TBC1D30: variants seen among roughly 807,000 people sequenced by gnomAD.
TBC1D30 encodes the protein TBC1 domain family member 30.
In TBC1D30, 31 loss-of-function variants were observed where a neutral mutation model predicts 63.2. The ratio of observed to expected loss-of-function variants is 0.49; its 90% CI spans 0.37 to 0.66. The LOEUF is 0.66. Ranked by LOEUF, TBC1D30 falls within the 30% of genes least tolerant of loss-of-function variation. TBC1D30 has a pLI of 0.00. For missense variants in TBC1D30, 810 were observed against 953.6 expected, an observed-to-expected ratio of 0.85 and a Z score of 1.98; for synonymous variants, 307 against 361.5, an observed-to-expected ratio of 0.85 and a Z score of 1.71.
chr12:64,813,031 G>A (rs1025608247), intron 2 of TBC1D30, among the ~76,000 whole-genome samples: 1 of 152,100 alleles, frequency 6.6e-6, no homozygotes, highest in Non-Finnish European at 1.5e-5. Context: ...AAAGAAGCTT[G>A]GGTGACCTGG....
At chr12:64,867,769 G>A (rs796785062) in intron 10 of TBC1D30, among the ~76,000 whole-genome samples, 4 of 152,210 alleles carry the variant, frequency 2.6e-5, no homozygotes, top group African/African-American at 9.6e-5. Context: ...TGAGTGACAA[G>A]AAACTTATTA....
intron 1 of TBC1D30, among the ~76,000 whole-genome samples, chr12:64,760,813 A>C: frequency 6.8e-6 from 1 of 147,474 alleles, no homozygotes; most frequent in East Asian, 2.1e-4. Flanking sequence ...TGATGTGTAC[A>C]AGGATAGGGC....
chr12:64,828,414 C>A, intron 2 of TBC1D30, 30 bp from the exon 3 acceptor site: 1 of 1,509,276 alleles, frequency 6.6e-7, no homozygotes, highest in South Asian at 1.2e-5. Context: ...TCACTGTGAT[C>A]ACCTCCTGGG....
intron 1 of TBC1D30, among the ~76,000 whole-genome samples, chr12:64,827,619 G>A (rs901357397): frequency 7.9e-5 from 12 of 152,128 alleles, no homozygotes; most frequent in African/African-American, 2.2e-4. Flanking sequence ...GTAAACCACC[G>A]TCATATGTAG....
upstream of TBC1D30, among the ~76,000 whole-genome samples, chr12:64,823,412 G>T (rs1177011676): frequency 6.6e-6 from 1 of 152,092 alleles, no homozygotes; most frequent in East Asian, 1.9e-4. Context: ...CCATTAGGTT[G>T]ATTTGTTTCC....
chr12:64,831,118 A>G (rs775516204), intron 4 of TBC1D30, among the ~76,000 whole-genome samples: 6 of 152,208 alleles, frequency 3.9e-5, no homozygotes, highest in Non-Finnish European at 7.3e-5. Context: ...TGAGTACATT[A>G]CAGTGTGATA....
At chr12:64,870,091 A>G (rs959979944) in intron 10 of TBC1D30, among the ~76,000 whole-genome samples, 2 of 152,248 alleles carry the variant, frequency 1.3e-5, no homozygotes, top group Non-Finnish European at 2.9e-5. Context: ...TAAATGAACA[A>G]AGCATTCATT....
chr12:64,802,224 G>A (rs907077624), intron 2 of TBC1D30, among the ~76,000 whole-genome samples: 4 of 152,192 alleles, frequency 2.6e-5, no homozygotes, highest in Admixed American at 6.5e-5. Context: ...GGTCATTAAG[G>A]AAGCATTAAA....
chr12:64,872,812 G>A (rs369600522), intron 11 of TBC1D30, among the ~76,000 whole-genome samples: 1 of 152,294 alleles, frequency 6.6e-6, no homozygotes, highest in Middle Eastern at 3.4e-3. Context: ...CACATCTTAC[G>A]TGGATGGCAG....
rs1343772547 is a variant in TBC1D30 at position 64,877,461 on chromosome 12, C to T, written c.*1673C>T. ...GGCTTTTTTTGAACAGAAAACACAA[C>T]AATGACCTATACCGTGAGAAAAGCC... On this transcript the variant is annotated 3_prime_UTR_variant, in exon 12 of 12. Coordinates refer to ENST00000539867, the MANE Select transcript of TBC1D30 (RefSeq NM_015279.2). 1 of 152,574 alleles carries T rather than the reference C, an allele frequency of 6.6e-6. No individual in the cohort carries two copies. The highest frequency in any genetic ancestry group is 1.5e-5 in the Non-Finnish European group (1 of 68,376). The allele number at this position is 152,574 out of a possible 1,614,324, so 9.5% of individuals were successfully genotyped here.
Position 64,795,894 on chromosome 12 carries a change from A to G in TBC1D30, c.643+9849A>G, listed in dbSNP as rs577162351. Among the ~76,000 whole-genome samples, 5 of 151,628 alleles carry G rather than the reference A, an allele frequency of 3.3e-5. No individual in the cohort carries two copies. The South Asian group carries it at 8.3e-4, about 25-fold the overall frequency. ...TTCTTTTGAGAGACAAAAATAAGTT[A>G]TCATTTAGATTAGGGTAGATTTGCC... On this transcript the variant is annotated intron_variant, in intron 2 of 12. Transcript: ENST00000542120.
chr12:64,815,313 G>T (rs950237531), intron 2 of TBC1D30, among the ~76,000 whole-genome samples: 1 of 151,896 alleles, frequency 6.6e-6, no homozygotes, highest in Non-Finnish European at 1.5e-5. Flanking sequence ...TTTCTTTCTG[G>T]TTCTCTGAAC....
intron 5 of TBC1D30, among the ~76,000 whole-genome samples, chr12:64,832,518 CATTT>C (rs1314984773): frequency 6.6e-6 from 1 of 152,176 alleles, no homozygotes; most frequent in African/African-American, 2.4e-5. Context: ...TATTTAGTCT[CATTT>C]ATAAGACATC....
rs567614974 is a variant in TBC1D30, at chr12:64,878,776, C to G, written c.*2988C>G. ...ACAGCCCAATAAGCTCTATCTCCCC[C>G]AGTCTAATCGCTGGGTTGCAGGGTG... On this transcript the variant is annotated 3_prime_UTR_variant, in exon 12 of 12. Coordinates refer to ENST00000539867, the MANE Select transcript of TBC1D30 (RefSeq NM_015279.2). The G allele has an allele frequency of 3.2e-6, 1 of 309,636 alleles. No individual in the cohort carries two copies. The highest frequency in any genetic ancestry group is 2.2e-5 in the African/African-American group (1 of 46,124). 19.2% of individuals were successfully genotyped at this position (309,636 alleles called of 1,614,324 possible).
intron 7 of TBC1D30, among the ~76,000 whole-genome samples, chr12:64,841,512 A>G (rs922193587): frequency 6.6e-6 from 1 of 152,060 alleles, no homozygotes; most frequent in South Asian, 2.1e-4. Context: ...CTCACTCCCT[A>G]TTAAAGCCTT....
At chr12:64,781,088 G>A (rs1458208117) in exon 1 of TBC1D30, 2 of 1,003,050 alleles carry the variant, frequency 2.0e-6, no homozygotes, top group African/African-American at 3.5e-5. Context: ...CAGCTGCACA[G>A]AGGAGGAGGA....
chr12:64,868,640 T>C (rs1878414304), intron 10 of TBC1D30: 1 of 329,436 alleles, frequency 3.0e-6, no homozygotes, highest in Admixed American at 3.5e-5. Context: ...TCCTTTGCTT[T>C]TTCTTAAGGG....
In TBC1D30 at chr12:64,876,505, C is replaced by T. The variant is rs1879091882; in HGVS notation, c.*717C>T. ...ATATGCTTTACGCAGTTGCTCCGGACAGCTTGCTCGCGCCACTGAGCTTTT... is the reference window on the plus strand; with the variant it reads ...ATATGCTTTACGCAGTTGCTCCGGATAGCTTGCTCGCGCCACTGAGCTTTT... On this transcript the variant is annotated 3_prime_UTR_variant, in exon 12 of 12. Coordinates refer to ENST00000539867, the MANE Select transcript of TBC1D30 (RefSeq NM_015279.2). The T allele has an allele frequency of 3.4e-6, 1 of 292,966 alleles. No homozygotes were observed. Among genetic ancestry groups the T allele is most frequent in the South Asian group, 3.5e-5 (1 of 28,782 alleles). 18.1% of individuals were successfully genotyped at this position (292,966 alleles called of 1,614,324 possible).
intron 2 of TBC1D30, among the ~76,000 whole-genome samples, chr12:64,789,305 C>T (rs118020751): frequency 6.6e-6 from 1 of 151,690 alleles, no homozygotes; most frequent in East Asian, 1.9e-4. Flanking sequence ...TTACCTCATC[C>T]TCCCGAGTAG....
Sources: allele counts gnomAD v4.1 joint callset (sites outside exome capture counted in the v4.1 genomes callset), GRCh38; gene constraint gnomAD v4.1.1; transcripts MANE v1.5; gene names NCBI Gene and HGNC (gene_info 2026-07-23, HGNC 2026-07-21).